HNRNPUL1: variants seen among roughly 807,000 people sequenced by gnomAD.
HNRNPUL1 encodes the protein heterogeneous nuclear ribonucleoprotein U like 1.
HNRNPUL1 carries 14 observed loss-of-function variants against 108.5 expected under a neutral mutation model. That is an observed-to-expected ratio of 0.13 (90% CI 0.09 to 0.20). The LOEUF (loss-of-function observed/expected upper bound fraction) is 0.20. HNRNPUL1 is among the 10% of genes least tolerant of loss of function. HNRNPUL1 has a pLI of 1.00. For missense variants in HNRNPUL1, 804 were observed against 1,168.3 expected (o/e 0.69, Z 4.55); for synonymous variants, 422 against 445.2 (o/e 0.95, Z 0.66).
intron 7 of HNRNPUL1, 36 bp downstream of exon 7, chr19:41,281,311 A>G: frequency 7.0e-7 from 1 of 1,422,790 alleles, no homozygotes; most frequent in Non-Finnish European, 9.9e-7. Context: ...TGGCAGAACC[A>G]GATGTTGGGC....
At chr19:41,301,454 C>T (rs1006046376) in intron 10 of HNRNPUL1, 82 bp from the exon 11 acceptor site, 1 of 1,166,348 alleles carries the variant, frequency 8.6e-7, no homozygotes, top group South Asian at 1.5e-5. Flanking sequence ...TTTCTCAGTC[C>T]CTGGCCTACA....
intron 6 of HNRNPUL1, 29 bp downstream of exon 6, chr19:41,279,205 A>G: frequency 6.9e-7 from 1 of 1,454,654 alleles, no homozygotes; most frequent in Non-Finnish European, 9.6e-7. Flanking sequence ...TGCAGTCCAG[A>G]GAATAGAGTG....
At chr19:41,267,974 A>T in intron 1 of HNRNPUL1, 1 of 359,454 alleles carries the variant, frequency 2.8e-6, no homozygotes, top group Non-Finnish European at 5.0e-6. Flanking sequence ...CCTTCAACAC[A>T]ATCATATTAA....
chr19:41,272,399 T>C (rs1207522838), intron 3 of HNRNPUL1, 164 bp downstream of exon 3: 1 of 729,920 alleles, frequency 1.4e-6, no homozygotes, highest in Non-Finnish European at 2.2e-6. Flanking sequence ...GATTCAGCTT[T>C]CCTAAACTTT....
At chr19:41,272,385 A>G (rs764152992) in intron 3 of HNRNPUL1, 150 bp downstream of exon 3, 126 of 801,632 alleles carry the variant, frequency 1.6e-4, no homozygotes, top group Non-Finnish European at 2.2e-4. Context: ...CGTACTTGCT[A>G]CCAGATTCAG....
chr19:41,264,999 A>C, intron 1 of HNRNPUL1: 4 of 1,332,766 alleles, frequency 3.0e-6, no homozygotes, highest in Non-Finnish European at 3.8e-6. Context: ...CAGGGGGGAC[A>C]CTGGGGGAGG....
chr19:41,300,985 T>TA (rs773375347), intron 10 of HNRNPUL1, among the ~76,000 whole-genome samples: 3 of 152,124 alleles, frequency 2.0e-5, no homozygotes, highest in Non-Finnish European at 4.4e-5. Context: ...ACACAGCCAT[T>TA]AAAAAAGAAT....
intron 1 of HNRNPUL1, 97 bp downstream of exon 1, chr19:41,264,895 A>C: frequency 7.5e-7 from 1 of 1,340,760 alleles, no homozygotes; most frequent in Non-Finnish European, 9.5e-7. Context: ...CGGGGAGACG[A>C]CCTGAGGATC....
upstream of HNRNPUL1, among the ~76,000 whole-genome samples, chr19:41,264,012 A>T (rs374180146): frequency 3.9e-5 from 6 of 152,296 alleles, no homozygotes; most frequent in Admixed American, 3.3e-4. Flanking sequence ...ACTTAGTTTG[A>T]TGAAAGGACT....
At chr19:41,303,212 C>A (rs1471544933) in intron 12 of HNRNPUL1, among the ~76,000 whole-genome samples, 1 of 152,140 alleles carries the variant, frequency 6.6e-6, no homozygotes, top group African/African-American at 2.4e-5. Flanking sequence ...TGTGAACCTT[C>A]CCCCATCTGA....
At position 41,279,186 on chromosome 19, in the gene HNRNPUL1, G is replaced by A. The variant is rs1471055611; in HGVS notation, c.886+10G>A. ...TGCAGCACCCAGCTAGGTAAGGAGG[G>A]GTCAGCTATGCAGTCCAGAGAATAG... On this transcript the variant is annotated intron_variant, in intron 6 of 14. Transcript: ENST00000392006. The A allele has an allele frequency of 1.3e-6, 2 of 1,578,980 alleles. No individual in the cohort carries two copies. Among genetic ancestry groups the A allele is most frequent in the African/African-American group, 1.3e-5 (1 of 74,322 alleles).
At chr19:41,267,021 C>T (rs191589071) in intron 1 of HNRNPUL1, among the ~76,000 whole-genome samples, 16 of 152,276 alleles carry the variant, frequency 1.1e-4, no homozygotes, top group African/African-American at 3.4e-4. Context: ...GAGAGGAAAG[C>T]GAATTAGGTG....
At chr19:41,278,373 T>C (rs901265904) in intron 5 of HNRNPUL1, 5 of 151,844 alleles carry the variant, frequency 3.3e-5, no homozygotes, top group African/African-American at 1.2e-4. Context: ...CTTTGCTCTT[T>C]TTAACTGTTG....
chr19:41,265,159 G>A (rs1317316882), intron 1 of HNRNPUL1: 1 of 1,425,530 alleles, frequency 7.0e-7, no homozygotes, highest in Non-Finnish European at 9.1e-7. Context: ...CGAAAATGGG[G>A]ATCCTAGGGT....
Position 41,294,834 on chromosome 19 carries a change from T to G in HNRNPUL1, c.1518+148T>G, listed in dbSNP as rs373070521. 5.5e-6 allele frequency: 5 copies of G among 909,038 alleles called. 1 individual carries two copies. The highest frequency in any genetic ancestry group is 6.4e-4 in the Middle Eastern group (2 of 3,144). The allele number at this position is 909,038 out of a possible 1,614,324, so 56.3% of individuals were successfully genotyped here. A position where few individuals can be genotyped will look rare whatever the true frequency, so the allele number is the denominator to read the frequency against. Reference sequence around the variant, plus strand: ...GGGGGTCAGACCTTGTCATACATGATGACATGGTACTACACACAGCTGAGC... The same window carrying G: ...GGGGGTCAGACCTTGTCATACATGAGGACATGGTACTACACACAGCTGAGC... On this transcript the variant is annotated intron_variant, in intron 10 of 14. Transcript: ENST00000392006. This position sits in a 1 kb window ranked among gnomAD's most constrained non-coding sequence, Gnocchi z 4.3.
At chr19:41,283,072 C>A (rs1204996048) in intron 7 of HNRNPUL1, among the ~76,000 whole-genome samples, 2 of 152,022 alleles carry the variant, frequency 1.3e-5, no homozygotes, top group Admixed American at 1.3e-4. Flanking sequence ...CTAGAAATAT[C>A]GGTAAGATTA....
chr19:41,300,711 T>A (rs1301365336), intron 10 of HNRNPUL1, among the ~76,000 whole-genome samples: 1 of 152,188 alleles, frequency 6.6e-6, no homozygotes, highest in African/African-American at 2.4e-5. Context: ...CAACCACATA[T>A]GTGCTAGAGC....
Position 41,264,814 on chromosome 19 carries a change from G to T in HNRNPUL1, c.295+16G>T, listed in dbSNP as rs1043967745. On this transcript the variant is annotated intron_variant, in intron 1 of 14. Coordinates refer to ENST00000392006, the MANE Select transcript of HNRNPUL1 (RefSeq NM_007040.6). The stretch of plus-strand genomic sequence containing the variant: ...GACGGACATTGTGAGAGTGCGCGGG[G>T]CGGGGGCCGGGGAGCCCGGAGCCTG... 3.7e-6 allele frequency: 5 copies of T among 1,343,316 alleles called. No individual in the cohort carries two copies. Among genetic ancestry groups the T allele is most frequent in the Non-Finnish European group, 4.8e-6 (5 of 1,051,882 alleles). The allele number at this position is 1,343,316 out of a possible 1,614,324, so 83.2% of individuals were successfully genotyped here.
rs749974827 is a variant in HNRNPUL1, at chr19:41,294,358, G to A, written c.1287G>A (p.Leu429=). The A allele has an allele frequency of 3.1e-6, 5 of 1,614,104 alleles. No homozygotes were observed. The East Asian group carries it at 1.1e-4, about 36-fold the overall frequency. The stretch of plus-strand genomic sequence containing the variant: ...TGTAGATTCTGATGATGGTGGGCCT[G>A]CCTGCTGCTGGCAAGACCACATGGG... ...AECEILMMVG[L]PAAGKTTWAI... Residue 429 remains leucine (L), a synonymous_variant, in exon 9 of 15, where the codon CTG becomes CTA. Transcript: ENST00000392006. This position sits in a 1 kb window ranked among gnomAD's most constrained non-coding sequence, Gnocchi z 4.3.
Sources: allele counts gnomAD v4.1 joint callset (sites outside exome capture counted in the v4.1 genomes callset), GRCh38; gene constraint gnomAD v4.1.1; non-coding constraint Gnocchi (gnomAD v3.1); transcripts MANE v1.5; gene names NCBI Gene and HGNC (gene_info 2026-07-23, HGNC 2026-07-21).